The following PRKCE variants were observed in gnomAD, a reference collection of about 807,000 sequenced individuals.
PRKCE encodes protein kinase C epsilon type.
Under a neutral mutation model 85.4 loss-of-function variants are expected in PRKCE, and 16 were observed. That is an observed-to-expected ratio of 0.19 (90% CI 0.13 to 0.28). The LOEUF is 0.28. PRKCE is among the 10% of genes least tolerant of loss of function. The probability of loss-of-function intolerance (pLI) is 1.00; values close to 1 mark genes in which losing one functional copy is unlikely to be tolerated. For missense variants in PRKCE, 573 were observed against 975.2 expected, an observed-to-expected ratio of 0.59 and a Z score of 5.49; for synonymous variants, 388 against 371.5, an observed-to-expected ratio of 1.04 and a Z score of -0.51.
At chr2:45,833,027 C>A (rs902224284) in intron 1 of PRKCE, among the ~76,000 whole-genome samples, 3 of 151,062 alleles carry the variant, frequency 2.0e-5, no homozygotes, top group Non-Finnish European at 4.4e-5. Context: ...GAGTCAAGAA[C>A]TGAATATCAG....
intron 2 of PRKCE, among the ~76,000 whole-genome samples, chr2:45,951,505 A>G (rs1700618672): frequency 6.6e-6 from 1 of 152,178 alleles, no homozygotes; most frequent in Admixed American, 6.5e-5. Context: ...CTGGGCCCAG[A>G]AAGACAGCCC....
At chr2:45,941,855 A>T (rs372319599) in intron 2 of PRKCE, among the ~76,000 whole-genome samples, 1 of 152,160 alleles carries the variant, frequency 6.6e-6, no homozygotes, top group South Asian at 2.1e-4. Flanking sequence ...AGATTCATTA[A>T]TTATGGGGGA....
intron 2 of PRKCE, among the ~76,000 whole-genome samples, chr2:45,874,218 G>A (rs1330208477): frequency 6.6e-6 from 1 of 152,204 alleles, no homozygotes; most frequent in Non-Finnish European, 1.5e-5. Flanking sequence ...GCCTATGTGG[G>A]AGTCCCTTTT....
chr2:46,010,945 T>A, intron 10 of PRKCE: 2 of 1,414,880 alleles, frequency 1.4e-6, no homozygotes, highest in South Asian at 3.3e-5. Flanking sequence ...TCATCTGAAA[T>A]AAAGGATGTG....
chr2:45,764,097 A>G lies in PRKCE; in HGVS notation c.349-78903A>G, dbSNP rs115686020. Among the ~76,000 whole-genome samples the G allele has an allele frequency of 8.2e-3, 1,244 of 152,298 alleles. 19 individuals carry two copies. Among genetic ancestry groups the G allele is most frequent in the African/African-American group, 0.029 (1,185 of 41,560 alleles). On this transcript the variant is annotated intron_variant, in intron 1 of 14. Coordinates refer to ENST00000306156, the MANE Select transcript of PRKCE (RefSeq NM_005400.3). The stretch of plus-strand genomic sequence containing the variant: ...GGTTGGGGCCAGTGCTTCAATTACA[A>G]TACCCCAGGAGTTCTTGTTATCAGT...
At chr2:45,922,867 T>A (rs1352451718) in intron 2 of PRKCE, among the ~76,000 whole-genome samples, 2 of 152,214 alleles carry the variant, frequency 1.3e-5, no homozygotes, top group Admixed American at 1.3e-4. Context: ...GCAGCTCTGA[T>A]TTTATGTTAA....
rs777279361 is a variant in PRKCE, at chr2:46,010,302, C to G, written c.1264-42C>G. On this transcript the variant is annotated intron_variant, in intron 9 of 14. Coordinates refer to ENST00000306156, the MANE Select transcript of PRKCE (RefSeq NM_005400.3). The stretch of plus-strand genomic sequence containing the variant: ...TTAGCTTACACTTCTTCTTTTTATT[C>G]CATACATGCATAGATTGATGGAGGC... The G allele has an allele frequency of 5.3e-6, 8 of 1,514,414 alleles. No homozygotes were observed. The African/African-American group carries it at 1.1e-4, about 21-fold the overall frequency. 93.8% of individuals were successfully genotyped at this position (1,514,414 alleles called of 1,614,324 possible).
intron 2 of PRKCE, among the ~76,000 whole-genome samples, chr2:45,933,508 C>T (rs890518312): frequency 7.9e-6 from 1 of 126,042 alleles, no homozygotes; most frequent in South Asian, 2.7e-4. Context: ...GAGTCTCGCT[C>T]TGCCGCCCAG....
At chr2:45,761,183 C>T (rs1380907193) in intron 1 of PRKCE, among the ~76,000 whole-genome samples, 4 of 151,860 alleles carry the variant, frequency 2.6e-5, no homozygotes, top group South Asian at 2.1e-4. Flanking sequence ...AAAAATTAGC[C>T]GAGTGTGGTG....
chr2:45,758,772 G>A (rs1684208756), intron 1 of PRKCE, among the ~76,000 whole-genome samples: 1 of 152,168 alleles, frequency 6.6e-6, no homozygotes. Context: ...ACACTGCCTG[G>A]AATGTAGTGG....
At chr2:45,808,933 C>G (rs909984933) in intron 1 of PRKCE, among the ~76,000 whole-genome samples, 2 of 152,186 alleles carry the variant, frequency 1.3e-5, no homozygotes, top group South Asian at 4.1e-4. Flanking sequence ...ATATATCCTA[C>G]TCCCTCCTGT....
intron 1 of PRKCE, among the ~76,000 whole-genome samples, chr2:45,833,797 C>T (rs891563404): frequency 2.6e-5 from 4 of 152,204 alleles, no homozygotes; most frequent in African/African-American, 9.6e-5. Flanking sequence ...AAGTGCAGAT[C>T]GGCAGTGGAT....
intron 1 of PRKCE, among the ~76,000 whole-genome samples, chr2:45,760,672 C>T (rs940133029): frequency 2.0e-5 from 3 of 152,100 alleles, no homozygotes; most frequent in African/African-American, 7.2e-5. Context: ...TTCTTGAAGA[C>T]GAGACTGAAG....
intron 2 of PRKCE, among the ~76,000 whole-genome samples, chr2:45,926,977 C>T (rs1266013127): frequency 6.6e-6 from 1 of 151,770 alleles, no homozygotes; most frequent in East Asian, 1.9e-4. Flanking sequence ...TGTGAGCGTG[C>T]ATGGGACACA....
intron 10 of PRKCE, among the ~76,000 whole-genome samples, chr2:46,043,811 A>G (rs1337522878): frequency 6.6e-6 from 1 of 152,232 alleles, no homozygotes; most frequent in Non-Finnish European, 1.5e-5. Context: ...ATAATGTATC[A>G]ATTTGTTCTG....
chr2:46,004,433 T>C lies in PRKCE; in HGVS notation c.967-109T>C. On this transcript the variant is annotated intron_variant, in intron 7 of 14. Coordinates refer to ENST00000306156, the MANE Select transcript of PRKCE (RefSeq NM_005400.3). This position sits in a 1 kb window ranked among gnomAD's most constrained non-coding sequence, Gnocchi z 4.1. ...GGACAGAGATCTACTGAATTCCTGCTGCTCTGGGAACTCTCATGGCTCTTA... is the reference window on the plus strand; with the variant it reads ...GGACAGAGATCTACTGAATTCCTGCCGCTCTGGGAACTCTCATGGCTCTTA... The C allele has an allele frequency of 1.1e-6, 1 of 914,262 alleles. No homozygotes were observed. Among genetic ancestry groups the C allele is most frequent in the East Asian group, 2.7e-5 (1 of 37,126 alleles). 56.6% of individuals were successfully genotyped at this position (914,262 alleles called of 1,614,324 possible). A position where few individuals can be genotyped will look rare whatever the true frequency, so the allele number is the denominator to read the frequency against.
intron 2 of PRKCE, among the ~76,000 whole-genome samples, chr2:45,860,702 G>A (rs772285255): frequency 2.6e-5 from 4 of 152,292 alleles, no homozygotes; most frequent in South Asian, 4.1e-4. Flanking sequence ...CACCGCTGAA[G>A]TCTCTCTGGG....
chr2:45,880,692 G>A (rs1045365222), intron 2 of PRKCE, among the ~76,000 whole-genome samples: 12 of 152,148 alleles, frequency 7.9e-5, no homozygotes, highest in Non-Finnish European at 1.6e-4. Flanking sequence ...ACAAATATCC[G>A]GCCTCTAGGA....
At chr2:45,735,744 G>C (rs1682003204) in intron 1 of PRKCE, among the ~76,000 whole-genome samples, 1 of 152,194 alleles carries the variant, frequency 6.6e-6, no homozygotes, top group Non-Finnish European at 1.5e-5. Flanking sequence ...GTGCACATGG[G>C]AATGAATGAG....
Sources: allele counts gnomAD v4.1 joint callset (sites outside exome capture counted in the v4.1 genomes callset), GRCh38; gene constraint gnomAD v4.1.1; non-coding constraint Gnocchi (gnomAD v3.1); transcripts MANE v1.5; gene names NCBI Gene and HGNC (gene_info 2026-07-23, HGNC 2026-07-21).